C10orf90: variants seen among roughly 807,000 people sequenced by gnomAD.
The protein encoded by C10orf90 is (E2-independent) E3 ubiquitin-conjugating enzyme FATS.
C10orf90 carries 56 observed loss-of-function variants against 62.5 expected under a neutral mutation model. The observed-to-expected ratio is 0.90, with a 90% confidence interval of 0.72 to 1.12. The LOEUF is 1.12. Ranked by LOEUF, C10orf90 falls within the 50% of genes most tolerant of loss-of-function variation. C10orf90 has a pLI of 0.00. For synonymous variants in C10orf90, 386 were observed against 340.4 expected (o/e 1.13, Z -1.47); for missense variants, 970 against 880.4 (o/e 1.10, Z -1.29).
intron 2 of C10orf90, among the ~76,000 whole-genome samples, chr10:126,538,224 T>C (rs949368696): frequency 2.0e-5 from 3 of 152,186 alleles, no homozygotes; most frequent in Non-Finnish European, 4.4e-5. Flanking sequence ...TCAGATCTTA[T>C]GAGACTTACT....
rs771461919 is a variant in C10orf90 at position 126,461,428 on chromosome 10, T to C, written c.1983A>G (p.Gln661=). ...GCAAGGTCAAAGATCTTGCAGGCGT[T>C]TGCTGAGACTCAGAACAGTCTTCGG... is the stretch of plus-strand genomic sequence containing the variant. ...GLSEDCSESQ[Q]TPARSLTLQE... The change falls in exon 6 of 10, where the codon CAA becomes CAG. Residue 661 remains glutamine (Q), a synonymous_variant. Coordinates refer to ENST00000488181, the MANE Select transcript of C10orf90 (RefSeq NM_001350921.2). 1 of 1,614,090 alleles carries C rather than the reference T, an allele frequency of 6.2e-7. No individual in the cohort carries two copies. Among genetic ancestry groups the C allele is most frequent in the African/African-American group, 1.3e-5 (1 of 75,032 alleles).
rs1469465502 is a variant in C10orf90 at position 126,504,494 on chromosome 10, G to T, written c.997C>A (p.Pro333Thr). The T allele has an allele frequency of 6.2e-7, 1 of 1,614,190 alleles. No homozygotes were observed. The highest frequency in any genetic ancestry group is 1.1e-5 in the South Asian group (1 of 91,088). The change falls in exon 4 of 10, where the codon CCA becomes ACA. Residue 333 changes from proline to threonine, a missense_variant. Physicochemically the swap from Pro to Thr is conservative, Grantham distance 38. Transcript: ENST00000488181. This position sits in a 1 kb window ranked among gnomAD's most constrained non-coding sequence, Gnocchi z 4.1. Reference sequence around the variant, plus strand: ...CTCTTTCCTGACAGTGGGGTGTCTGGAGAAAAACTGGTCTCTTTGTCGTCT... The same window carrying T: ...CTCTTTCCTGACAGTGGGGTGTCTGTAGAAAAACTGGTCTCTTTGTCGTCT... ...HADDKETSFS[P>T]DTPLSGKSPL...
chr10:126,661,456 C>G lies in C10orf90; in HGVS notation c.240+8785G>C, dbSNP rs79477197. Among the ~76,000 whole-genome samples the G allele has an allele frequency of 1.5e-3, 233 of 152,298 alleles. 2 individuals carry two copies. The highest frequency in any genetic ancestry group is 5.2e-3 in the African/African-American group (216 of 41,560). ...GTCACTCAGCTAGTAAGAACCCAGA[C>G]AGTCTCGACCCAGTGCTCTTTCTCT... is the stretch of plus-strand genomic sequence containing the variant. On this transcript the variant is annotated intron_variant, in intron 1 of 9. Transcript: ENST00000488181.
chr10:126,488,728 T>C (rs954097834), intron 4 of C10orf90, among the ~76,000 whole-genome samples: 1 of 152,076 alleles, frequency 6.6e-6, no homozygotes, highest in African/African-American at 2.4e-5. Flanking sequence ...TGCCAATAAT[T>C]TAAATAACTT....
At chr10:126,565,364 T>TAATATATATAATATA (rs1564874441) in intron 2 of C10orf90, among the ~76,000 whole-genome samples, 8 of 77,540 alleles carry the variant, frequency 1.0e-4, no homozygotes, top group African/African-American at 3.9e-4. Context: ...ATAATATATA[T>TAATATATATAATATA]TATTTTATAT....
chr10:126,603,420 T>C (rs1175849447), intron 2 of C10orf90, among the ~76,000 whole-genome samples: 1 of 152,074 alleles, frequency 6.6e-6, no homozygotes, highest in Admixed American at 6.6e-5. Flanking sequence ...TTCAATTACC[T>C]CCCACCAGGT....
At chr10:126,438,852 A>C (rs1858102006) in intron 7 of C10orf90, among the ~76,000 whole-genome samples, 1 of 151,836 alleles carries the variant, frequency 6.6e-6, no homozygotes, top group Admixed American at 6.6e-5. Context: ...TGGCAGTGGG[A>C]GTGCCGATGC....
chr10:126,504,713 G>A lies in C10orf90; in HGVS notation c.778C>T (p.Leu260=). 1.2e-6 allele frequency: 2 copies of A among 1,610,458 alleles called. No homozygotes were observed. The highest frequency in any genetic ancestry group is 1.7e-6 in the Non-Finnish European group (2 of 1,177,772). Residue 260 remains leucine (L), a synonymous_variant, in exon 4 of 10, where the codon CTG becomes TTG. Transcript: ENST00000488181. The surrounding 1 kb of genome is among the most constrained non-coding windows in gnomAD (Gnocchi z 4.1). The stretch of plus-strand genomic sequence containing the variant: ...TCCTCAGCCCTGCACTTGGGGCACA[G>A]AGAGTCCCCAGCAGTCCCCCACACC... ...ALVWGTAGDS[L]CPKCRAEDTL... is the part of the protein sequence containing the mutation.
chr10:126,665,502 T>C (rs907856323), intron 1 of C10orf90, among the ~76,000 whole-genome samples: 2 of 152,122 alleles, frequency 1.3e-5, no homozygotes, highest in African/African-American at 2.4e-5. Context: ...AAAACATTCA[T>C]CAAAGCCCAG....
At chr10:126,587,623 A>G (rs187658865) in intron 2 of C10orf90, among the ~76,000 whole-genome samples, 110 of 152,338 alleles carry the variant, frequency 7.2e-4, no homozygotes, top group Non-Finnish European at 1.3e-3. Context: ...CCTTCCATAT[A>G]TGTATTCAAG....
intron 2 of C10orf90, among the ~76,000 whole-genome samples, chr10:126,518,060 GTTT>G (rs3040749): frequency 1.3e-5 from 2 of 151,244 alleles, no homozygotes; most frequent in East Asian, 2.0e-4. Context: ...ACTCTTGTAT[GTTT>G]TTTTTTTTCC....
intron 2 of C10orf90, among the ~76,000 whole-genome samples, chr10:126,619,316 T>G (rs73370810): frequency 0.048 from 7,354 of 152,220 alleles, 519 homozygotes; most frequent in African/African-American, 0.16. Context: ...TATACACGGG[T>G]GTTGAATCAC....
chr10:126,535,941 G>T (rs369889012), intron 2 of C10orf90, among the ~76,000 whole-genome samples: 89 of 152,298 alleles, frequency 5.8e-4, no homozygotes, highest in African/African-American at 2.1e-3. Flanking sequence ...AGAGTCCATC[G>T]TTACGGGGCA....
intron 4 of C10orf90, among the ~76,000 whole-genome samples, chr10:126,503,000 TTTA>T (rs1306516085): frequency 2.0e-5 from 3 of 152,264 alleles, no homozygotes; most frequent in African/African-American, 2.4e-5. Flanking sequence ...TACAGTCATT[TTTA>T]TTAATAAAGC....
intron 1 of C10orf90, among the ~76,000 whole-genome samples, chr10:126,657,606 GTCTTTTTTTTTT>G (rs1378929394): frequency 1.1e-4 from 16 of 141,576 alleles, no homozygotes; most frequent in East Asian, 2.1e-4. Flanking sequence ...TTAATACTTT[GTCTTTTTTTTTT>G]TCTTTTTTTT....
chr10:126,583,667 C>G (rs940221210), intron 2 of C10orf90, among the ~76,000 whole-genome samples: 3 of 152,166 alleles, frequency 2.0e-5, no homozygotes, highest in Non-Finnish European at 2.9e-5. Context: ...CTCTGCCCCC[C>G]ACCTTGCCAC....
In C10orf90 at chr10:126,559,773, A is replaced by G. The variant is rs1186791671; in HGVS notation, c.314-45834T>C. Reference sequence around the variant, plus strand: ...TGATAAGTACCAGCCAAGTCAGGATACTTTATATAACAGCTTATTTCAGAG... The same window carrying G: ...TGATAAGTACCAGCCAAGTCAGGATGCTTTATATAACAGCTTATTTCAGAG... On this transcript the variant is annotated intron_variant, in intron 2 of 9. Transcript: ENST00000488181. Among the ~76,000 whole-genome samples, 9 of 152,244 alleles carry G rather than the reference A, an allele frequency of 5.9e-5. No homozygotes were observed. In the East Asian group the frequency reaches 1.5e-3, roughly 26 times the overall value.
At chr10:126,656,586 G>A (rs17155116) in intron 1 of C10orf90, among the ~76,000 whole-genome samples, 43,339 of 152,040 alleles carry the variant, frequency 0.29, 6,242 homozygotes, top group Middle Eastern at 0.35. Context: ...AATTTATCAC[G>A]GCCACACAAT....
rs184333963 is a variant in C10orf90 at position 126,611,723 on chromosome 10, C to T, written c.313+34842G>A. Among the ~76,000 whole-genome samples the T allele has an allele frequency of 2.2e-4, 34 of 152,244 alleles. 1 individual carries two copies. The highest frequency in any genetic ancestry group is 8.2e-4 in the African/African-American group (34 of 41,546). ...AAGAGGGGATTTTTGTTGCAGGTGG[C>T]TTCTATCTAAACTCCTTATTGCAGT... On this transcript the variant is annotated intron_variant, in intron 2 of 9. Transcript: ENST00000488181.
Sources: gnomAD v4.1 joint callset for allele counts (sites outside exome capture counted in the v4.1 genomes callset) on GRCh38, gnomAD v4.1.1 for gene constraint, Gnocchi (gnomAD v3.1) non-coding constraint, MANE v1.5 for transcripts, NCBI Gene and HGNC (gene_info 2026-07-23, HGNC 2026-07-21) for gene names.